Variants in ATF6 observed in about 807,000 individuals in gnomAD.
The protein encoded by ATF6 is activating transcription factor 6, also known as cyclic AMP-dependent transcription factor ATF-6 alpha.
ATF6 carries 53 observed loss-of-function variants against 83.6 expected under a neutral mutation model. The observed-to-expected ratio is 0.63, with a 90% CI of 0.51 to 0.80. The LOEUF is 0.80. Ranked by LOEUF, ATF6 falls within the 30% of genes least tolerant of loss-of-function variation. The pLI, the probability that ATF6 is intolerant of heterozygous loss-of-function variation, is 0.00. For synonymous variants in ATF6, 288 were observed against 285.8 expected (o/e 1.01, Z -0.08); for missense variants, 744 against 797.9 (o/e 0.93, Z 0.81).
At position 161,851,731 on chromosome 1, in the gene ATF6, T is replaced by TTCAGAAA; in HGVS notation, c.1331_1332insAGAAATC (p.Val445GlufsTer6). ...TGCATCCATGTTTCAGATATGATCA[T>TTCAGAAA]TCTGTTTCAAATGACAAAGCCCTGA... On this transcript the variant is annotated frameshift_variant, in exon 11 of 16. Transcript: ENST00000367942. LOFTEE classifies it high-confidence loss of function. 6.2e-7 allele frequency: 1 copy of TTCAGAAA among 1,612,836 alleles called. No homozygotes were observed.
chr1:161,830,738 T>C (rs1686036108), intron 9 of ATF6, among the ~76,000 whole-genome samples: 1 of 152,264 alleles, frequency 6.6e-6, no homozygotes, highest in Non-Finnish European at 1.5e-5. Context: ...GAAAACTGGC[T>C]AGCCATATGT....
chr1:161,936,807 G>C (rs551765427), intron 15 of ATF6, among the ~76,000 whole-genome samples: 1 of 152,254 alleles, frequency 6.6e-6, no homozygotes, highest in Admixed American at 6.5e-5. Flanking sequence ...TCTTCACTTA[G>C]ATGATTCCTG....
chr1:161,878,129 TTTG>T (rs1687254977), intron 14 of ATF6, among the ~76,000 whole-genome samples: 1 of 152,172 alleles, frequency 6.6e-6, no homozygotes, highest in Non-Finnish European at 1.5e-5. Flanking sequence ...TATTTATTTA[TTTG>T]GAGACGAGTC....
intron 4 of ATF6, among the ~76,000 whole-genome samples, chr1:161,789,869 T>G (rs1243384758): frequency 1.3e-5 from 2 of 152,164 alleles, no homozygotes; most frequent in African/African-American, 4.8e-5. Context: ...GGAAATGTAT[T>G]TTAATACACT....
intron 6 of ATF6, among the ~76,000 whole-genome samples, chr1:161,798,399 A>G (rs1234142076): frequency 2.0e-5 from 3 of 152,170 alleles, no homozygotes; most frequent in Admixed American, 2.0e-4. Flanking sequence ...ATCACTTGAG[A>G]TCAGGAATTC....
At chr1:161,856,649 C>G (rs766130898) in intron 12 of ATF6, among the ~76,000 whole-genome samples, 2 of 152,118 alleles carry the variant, frequency 1.3e-5, no homozygotes, top group Non-Finnish European at 2.9e-5. Context: ...TAGATCATTG[C>G]CAGTAGGTAA....
intron 6 of ATF6, among the ~76,000 whole-genome samples, chr1:161,794,739 A>G (rs779551859): frequency 6.6e-6 from 1 of 152,154 alleles, no homozygotes; most frequent in Non-Finnish European, 1.5e-5. Context: ...ACCATTTTCT[A>G]CCAACCAGCA....
Position 161,915,608 on chromosome 1 carries a change from A to G in ATF6, c.1804+3228A>G, listed in dbSNP as rs556667882. ...TCTTCTTCTCTACTGGGTCATTCCC[A>G]TCAGCATACAAATGTCTTTTTTTTT... On this transcript the variant is annotated intron_variant, in intron 15 of 15. Transcript: ENST00000367942. Among the ~76,000 whole-genome samples, 9 of 150,424 alleles carry G rather than the reference A, an allele frequency of 6.0e-5. No individual in the cohort carries two copies. The South Asian group carries it at 1.7e-3, about 28-fold the overall frequency.
chr1:161,890,294 C>G (rs1055556735), intron 14 of ATF6, among the ~76,000 whole-genome samples: 34 of 152,244 alleles, frequency 2.2e-4, no homozygotes, highest in African/African-American at 7.0e-4. Context: ...GTTTGCTAAC[C>G]TGATTTAAAT....
chr1:161,773,854 G>A (rs1684454628), intron 1 of ATF6, among the ~76,000 whole-genome samples: 1 of 152,246 alleles, frequency 6.6e-6, no homozygotes, highest in African/African-American at 2.4e-5. Context: ...CTTTTGGAAT[G>A]TTCTATAAAT....
At chr1:161,914,644 A>G (rs1688056115) in intron 15 of ATF6, among the ~76,000 whole-genome samples, 1 of 151,832 alleles carries the variant, frequency 6.6e-6, no homozygotes, top group Non-Finnish European at 1.5e-5. Context: ...ACTGTTACTT[A>G]CTCTCTTACT....
At chr1:161,846,140 G>A (rs976392966) in intron 9 of ATF6, among the ~76,000 whole-genome samples, 2 of 151,918 alleles carry the variant, frequency 1.3e-5, no homozygotes, top group Non-Finnish European at 2.9e-5. Flanking sequence ...TAGGTGTGTC[G>A]TATTTATTTC....
At chr1:161,944,874 A>T (rs747362729) in intron 15 of ATF6, among the ~76,000 whole-genome samples, 20 of 152,372 alleles carry the variant, frequency 1.3e-4, no homozygotes, top group Non-Finnish European at 1.0e-4. Flanking sequence ...CATGGTAATC[A>T]GACCTAAAAG....
At chr1:161,924,579 T>C (rs575599846) in intron 15 of ATF6, among the ~76,000 whole-genome samples, 1 of 152,320 alleles carries the variant, frequency 6.6e-6, no homozygotes, top group South Asian at 2.1e-4. Flanking sequence ...GTATTATTAA[T>C]TTTACAGAAA....
intron 15 of ATF6, among the ~76,000 whole-genome samples, chr1:161,929,161 T>G (rs1040045641): frequency 7.2e-5 from 11 of 152,206 alleles, no homozygotes; most frequent in African/African-American, 2.7e-4. Flanking sequence ...TAGCTACTTT[T>G]TAGGTGCTGT....
At chr1:161,948,240 T>A (rs1317157665) in intron 15 of ATF6, among the ~76,000 whole-genome samples, 1 of 152,246 alleles carries the variant, frequency 6.6e-6, no homozygotes, top group African/African-American at 2.4e-5. Context: ...CAGTACTTTT[T>A]ATCTGAATAA....
intron 14 of ATF6, among the ~76,000 whole-genome samples, chr1:161,907,641 G>T (rs150354607): frequency 2.1e-4 from 32 of 152,294 alleles, no homozygotes; most frequent in African/African-American, 7.2e-4. Flanking sequence ...TTCTAATACA[G>T]TAGAAGCCAT....
At chr1:161,789,497 AT>A (rs1011529507) in intron 4 of ATF6, among the ~76,000 whole-genome samples, 15 of 150,638 alleles carry the variant, frequency 1.0e-4, no homozygotes, top group Non-Finnish European at 1.3e-4. Flanking sequence ...TTCAAGTCAA[AT>A]TTTTTTTTCA....
At chr1:161,910,166 A>C (rs1424350133) in intron 14 of ATF6, among the ~76,000 whole-genome samples, 1 of 152,186 alleles carries the variant, frequency 6.6e-6, no homozygotes, top group East Asian at 1.9e-4. Flanking sequence ...AGTTAACTAC[A>C]TTGTCCCAGA....
Sources: gnomAD v4.1 joint callset for allele counts (sites outside exome capture counted in the v4.1 genomes callset) on GRCh38, gnomAD v4.1.1 for gene constraint, MANE v1.5 for transcripts, NCBI Gene and HGNC (gene_info 2026-07-23, HGNC 2026-07-21) for gene names.